The following HYCC1 variants were observed in gnomAD, a reference collection of about 807,000 sequenced individuals.
HYCC1 encodes hyccin PI4KA lipid kinase complex subunit 1.
chr7:22,958,531 C>A, the HYCC1 span, among the ~76,000 whole-genome samples: 1 of 152,082 alleles, frequency 6.6e-6, no homozygotes, highest in African/African-American at 2.4e-5. Flanking sequence ...GGGTACAATC[C>A]TAAGACAGAG....
At chr7:22,902,453 C>G in the HYCC1 span, among the ~76,000 whole-genome samples, 1 of 150,852 alleles carries the variant, frequency 6.6e-6, no homozygotes. Flanking sequence ...AGAAAATTAA[C>G]AAAACCAAAA....
At chr7:22,968,840 G>A in the HYCC1 span, among the ~76,000 whole-genome samples, 2 of 152,044 alleles carry the variant, frequency 1.3e-5, no homozygotes, top group African/African-American at 4.8e-5. Context: ...ACAAAAATTG[G>A]CCTGGCATGG....
At chr7:22,964,094 A>G in the HYCC1 span, among the ~76,000 whole-genome samples, 1 of 147,818 alleles carries the variant, frequency 6.8e-6, no homozygotes, top group African/African-American at 2.5e-5. Flanking sequence ...AAAAAAAGCT[A>G]TTTGGAAATT....
the HYCC1 span, among the ~76,000 whole-genome samples, chr7:22,982,497 T>C: frequency 1.3e-5 from 2 of 152,152 alleles, no homozygotes; most frequent in African/African-American, 2.4e-5. Flanking sequence ...CAGAGATACA[T>C]AGATCCATAT....
the HYCC1 span, among the ~76,000 whole-genome samples, chr7:22,922,551 C>G: frequency 6.6e-6 from 1 of 152,174 alleles, no homozygotes; most frequent in African/African-American, 2.4e-5. Context: ...GATCAAACTT[C>G]AAAGTTCAAA....
At chr7:22,941,448 A>T in the HYCC1 span, 1 of 152,108 alleles carries the variant, frequency 6.6e-6, no homozygotes, top group African/African-American at 2.4e-5. Flanking sequence ...AGGAATGTAA[A>T]CTCTAGGAAT....
At chr7:22,911,707 G>C in the HYCC1 span, among the ~76,000 whole-genome samples, 1 of 152,176 alleles carries the variant, frequency 6.6e-6, no homozygotes, top group Non-Finnish European at 1.5e-5. Flanking sequence ...GCAGTGAGCT[G>C]AGATCGCACC....
chr7:23,010,425 T>C, the HYCC1 span, among the ~76,000 whole-genome samples: 40 of 152,286 alleles, frequency 2.6e-4, 1 homozygote, highest in South Asian at 6.2e-3. Context: ...TTTTCAACCA[T>C]GGCTGCACAC....
chr7:22,976,043 T>A, the HYCC1 span, among the ~76,000 whole-genome samples: 1 of 152,304 alleles, frequency 6.6e-6, no homozygotes, highest in African/African-American at 2.4e-5. Context: ...TTTGTGACTA[T>A]CAATTATAGG....
chr7:22,956,474 G>A, the HYCC1 span, among the ~76,000 whole-genome samples: 1 of 151,762 alleles, frequency 6.6e-6, no homozygotes, highest in African/African-American at 2.4e-5. Context: ...CCATACAATT[G>A]TTTAACTTAA....
chr7:22,998,891 C>T, the HYCC1 span, among the ~76,000 whole-genome samples: 1 of 152,186 alleles, frequency 6.6e-6, no homozygotes, highest in Non-Finnish European at 1.5e-5. Flanking sequence ...CCAAATTTTA[C>T]TTAACACTAT....
At chr7:22,972,909 T>C in the HYCC1 span, among the ~76,000 whole-genome samples, 256 of 152,330 alleles carry the variant, frequency 1.7e-3, 2 homozygotes, top group Non-Finnish European at 3.4e-4. Context: ...CAAGATTGTT[T>C]TAATTATTTT....
the HYCC1 span, among the ~76,000 whole-genome samples, chr7:22,912,283 G>A: frequency 6.6e-6 from 1 of 152,146 alleles, no homozygotes; most frequent in Non-Finnish European, 1.5e-5. Context: ...TATTCACCCA[G>A]CTCAGCTTGA....
chr7:22,971,554 T>C, the HYCC1 span, among the ~76,000 whole-genome samples: 3 of 151,244 alleles, frequency 2.0e-5, no homozygotes, highest in Non-Finnish European at 2.9e-5. Context: ...CATTTGCCTG[T>C]AGTCACAGCT....
chr7:22,928,136 C>T, the HYCC1 span, among the ~76,000 whole-genome samples: 3 of 152,172 alleles, frequency 2.0e-5, no homozygotes, highest in African/African-American at 4.8e-5. Flanking sequence ...AATTCAACAA[C>T]CCTTCATGCT....
the HYCC1 span, among the ~76,000 whole-genome samples, chr7:22,965,516 G>A: frequency 2.9e-5 from 4 of 135,620 alleles, no homozygotes; most frequent in Non-Finnish European, 6.1e-5. Context: ...GTATACCTAT[G>A]TGACAAACCT....
At chr7:23,003,687 G>A in the HYCC1 span, among the ~76,000 whole-genome samples, 14 of 152,168 alleles carry the variant, frequency 9.2e-5, no homozygotes, top group Non-Finnish European at 2.1e-4. Context: ...TTCCAACTAA[G>A]TTGGGAGTTA....
the HYCC1 span, among the ~76,000 whole-genome samples, chr7:22,985,093 C>T: frequency 6.6e-5 from 10 of 152,120 alleles, no homozygotes; most frequent in African/African-American, 2.4e-4. Context: ...TATTCTCTCT[C>T]ACCCAAATTA....
chr7:23,010,808 G>A, the HYCC1 span, among the ~76,000 whole-genome samples: 1 of 152,132 alleles, frequency 6.6e-6, no homozygotes, highest in Admixed American at 6.5e-5. Flanking sequence ...TATTGTAAAT[G>A]CACAGCCAAG....
Sources: allele counts gnomAD v4.1 joint callset (sites outside exome capture counted in the v4.1 genomes callset), GRCh38; gene constraint gnomAD v4.1.1; transcripts MANE v1.5; gene names NCBI Gene and HGNC (gene_info 2026-07-23, HGNC 2026-07-21).